Variants in CACNA1B observed in about 807,000 individuals in gnomAD.
The protein encoded by CACNA1B is calcium voltage-gated channel subunit alpha1 B, also known as voltage-dependent N-type calcium channel subunit alpha-1B.
In CACNA1B, 70 loss-of-function variants were observed where a neutral mutation model predicts 247.2. That is an observed-to-expected ratio of 0.28 (90% CI 0.23 to 0.35). The LOEUF (loss-of-function observed/expected upper bound fraction) is 0.35, where lower values mean the gene tolerates loss of function less well. Among genes scored for constraint, CACNA1B ranks in the 10% least tolerant of loss-of-function variants. CACNA1B has a pLI of 1.00. For synonymous variants in CACNA1B, 1,231 were observed against 1,294.4 expected, an observed-to-expected ratio of 0.95 and a Z score of 1.05; for missense variants, 2,367 against 3,197.4, an observed-to-expected ratio of 0.74 and a Z score of 6.26.
rs199945877 is a variant in CACNA1B, at chr9:138,057,713, C to T, written c.3969-19C>T. The stretch of plus-strand genomic sequence containing the variant: ...ATCTTTTGTCTTTGCCCTCTAACCT[C>T]CCATGTTCTCATTCCTAGGGGTCAG... On this transcript the variant is annotated intron_variant, in intron 26 of 46. Transcript: ENST00000371372. The surrounding 1 kb of genome is among the most constrained non-coding windows in gnomAD (Gnocchi z 4.0). The T allele has an allele frequency of 1.6e-5, 25 of 1,597,728 alleles. No individual in the cohort carries two copies. The Admixed American group carries it at 2.5e-4, about 16-fold the overall frequency.
At position 138,050,317 on chromosome 9, in the gene CACNA1B, G is replaced by A. The variant is rs868248216; in HGVS notation, c.3710+1002G>A. Among the ~76,000 whole-genome samples, 1 of 152,196 alleles carries A rather than the reference G, an allele frequency of 6.6e-6. No homozygotes were observed. On this transcript the variant is annotated intron_variant, in intron 24 of 46. Coordinates refer to ENST00000371372, the MANE Select transcript of CACNA1B (RefSeq NM_000718.4). The surrounding 1 kb of genome is among the most constrained non-coding windows in gnomAD (Gnocchi z 5.2). ...GTCAGCCCTTGGTGAGGAGCTTGCT[G>A]GTGAGCAGGCTGTCACCAGCGAGGG...
At chr9:137,982,852 A>C (rs986487313) in intron 12 of CACNA1B, among the ~76,000 whole-genome samples, 1 of 152,198 alleles carries the variant, frequency 6.6e-6, no homozygotes, top group African/African-American at 2.4e-5. Flanking sequence ...GGTTCTGTGC[A>C]TATTGGTGTA....
intron 37 of CACNA1B, among the ~76,000 whole-genome samples, chr9:138,099,052 C>T (rs981504157): frequency 1.3e-5 from 2 of 152,234 alleles, no homozygotes; most frequent in Non-Finnish European, 2.9e-5. Context: ...CTCTATGGCT[C>T]CTCGTTCTTT....
chr9:138,094,642 C>G (rs538604138), intron 36 of CACNA1B, among the ~76,000 whole-genome samples: 1 of 152,224 alleles, frequency 6.6e-6, no homozygotes, highest in African/African-American at 2.4e-5. Flanking sequence ...AACAAAAATA[C>G]TAGCAAACTA....
chr9:138,096,343 A>G (rs1961054800), intron 36 of CACNA1B, 141 bp from the exon 37 acceptor site: 2 of 638,300 alleles, frequency 3.1e-6, no homozygotes, highest in South Asian at 2.0e-5. Flanking sequence ...CCATGGGGAG[A>G]GCAGATCGGG....
intron 15 of CACNA1B, among the ~76,000 whole-genome samples, chr9:138,000,191 C>T (rs1052686790): frequency 2.7e-4 from 41 of 151,720 alleles, no homozygotes; most frequent in Non-Finnish European, 4.6e-4. Flanking sequence ...CTCCGCCTCC[C>T]GGGTTCACGC....
intron 3 of CACNA1B, among the ~76,000 whole-genome samples, chr9:137,910,874 T>C (rs1957352691): frequency 6.6e-6 from 1 of 152,188 alleles, no homozygotes; most frequent in African/African-American, 2.4e-5. Context: ...TGCACGGAAC[T>C]TTTTACTTTT....
Position 138,073,628 on chromosome 9 carries a change from T to C in CACNA1B, c.4791+24T>C. The C allele has an allele frequency of 1.5e-6, 2 of 1,312,260 alleles. No homozygotes were observed. The highest frequency in any genetic ancestry group is 2.2e-6 in the Non-Finnish European group (2 of 904,810). 81.3% of individuals were successfully genotyped at this position (1,312,260 alleles called of 1,614,324 possible). A position where few individuals can be genotyped will look rare whatever the true frequency, so the allele number is the denominator to read the frequency against. ...AGGTGGGCCAGGCGGGGGGCCTCCATGCTTTCTGTCCCCTTCCTCCGTCTT... is the reference window on the plus strand; with the variant it reads ...AGGTGGGCCAGGCGGGGGGCCTCCACGCTTTCTGTCCCCTTCCTCCGTCTT... On this transcript the variant is annotated intron_variant, in intron 33 of 46. Coordinates refer to ENST00000371372, the MANE Select transcript of CACNA1B (RefSeq NM_000718.4). This position sits in a 1 kb window ranked among gnomAD's most constrained non-coding sequence, Gnocchi z 6.4.
chr9:138,104,664 G>A (rs1961363596), intron 38 of CACNA1B, among the ~76,000 whole-genome samples: 4 of 152,198 alleles, frequency 2.6e-5, no homozygotes, highest in Admixed American at 2.0e-4. Context: ...GGGCAGGGCT[G>A]TATGGCCCTC....
intron 6 of CACNA1B, among the ~76,000 whole-genome samples, chr9:137,946,204 C>CTT (rs1238366644): frequency 1.3e-5 from 2 of 152,224 alleles, no homozygotes; most frequent in East Asian, 3.9e-4. Flanking sequence ...TATAAAATCT[C>CTT]TTTTATGTAT....
At chr9:137,929,572 A>G (rs182320968) in intron 6 of CACNA1B, among the ~76,000 whole-genome samples, 37 of 152,200 alleles carry the variant, frequency 2.4e-4, no homozygotes, top group African/African-American at 8.4e-4. Context: ...GTAATAATAA[A>G]ACTAAAAAAT....
At chr9:138,035,639 TC>T (rs1285233379) in intron 20 of CACNA1B, among the ~76,000 whole-genome samples, 1 of 152,158 alleles carries the variant, frequency 6.6e-6, no homozygotes, top group Non-Finnish European at 1.5e-5. Context: ...TGAAGTTTTG[TC>T]CACTTAAATG....
chr9:138,121,163 G>A lies in CACNA1B; in HGVS notation c.6489+282G>A, dbSNP rs1019887550. ...GCCCCCAAATACTTACCTCTCTCTC[G>A]GTCACTTAACTCTCCTTCCCTGACT... is the stretch of plus-strand genomic sequence containing the variant. On this transcript the variant is annotated intron_variant, in intron 46 of 46. Coordinates refer to ENST00000371372, the MANE Select transcript of CACNA1B (RefSeq NM_000718.4). The surrounding 1 kb of genome is among the most constrained non-coding windows in gnomAD (Gnocchi z 6.8). Among the ~76,000 whole-genome samples, 2 of 152,000 alleles carry A rather than the reference G, an allele frequency of 1.3e-5. No individual in the cohort carries two copies. The highest frequency in any genetic ancestry group is 2.4e-5 in the African/African-American group (1 of 41,368).
intron 45 of CACNA1B, 113 bp from the exon 46 acceptor site, chr9:138,120,518 A>G (rs1290887437): frequency 7.2e-7 from 1 of 1,380,292 alleles, no homozygotes. Context: ...CCCAGGCCCT[A>G]ACCCTCACCC....
chr9:137,941,201 A>G (rs1957729180), intron 6 of CACNA1B, among the ~76,000 whole-genome samples: 1 of 152,248 alleles, frequency 6.6e-6, no homozygotes, highest in Non-Finnish European at 1.5e-5. Flanking sequence ...CCTAGAACTG[A>G]TAAAAGAATT....
intron 20 of CACNA1B, among the ~76,000 whole-genome samples, chr9:138,029,343 A>G (rs1376690880): frequency 1.3e-5 from 2 of 152,156 alleles, no homozygotes; most frequent in Non-Finnish European, 2.9e-5. Flanking sequence ...TATCTTGTGA[A>G]ATTGTTGATG....
intron 42 of CACNA1B, among the ~76,000 whole-genome samples, chr9:138,116,831 C>G (rs774670696): frequency 6.6e-6 from 1 of 152,238 alleles, no homozygotes; most frequent in Non-Finnish European, 1.5e-5. Context: ...CAGCCTGCCA[C>G]TGCGGCCGCT....
rs533026955 is a variant in CACNA1B at position 137,928,747 on chromosome 9, C to T, written c.966+11316C>T. On this transcript the variant is annotated intron_variant, in intron 6 of 46. Transcript: ENST00000371372. ...ATCTAATTTTAAGCATTTTCATTAA[C>T]CAAAAAAGAAGCCCTGTATCCATGA... 1.5e-4 allele frequency among the ~76,000 whole-genome samples: 23 copies of T among 152,222 alleles called. 1 individual carries two copies. The South Asian group carries it at 4.6e-3, about 30-fold the overall frequency.
chr9:138,069,148 G>C (rs1055582845), intron 31 of CACNA1B, among the ~76,000 whole-genome samples: 1 of 152,368 alleles, frequency 6.6e-6, no homozygotes, highest in South Asian at 2.1e-4. Context: ...GAAAGCCATC[G>C]TGTGGACTGG....
Sources: gnomAD v4.1 joint callset for allele counts (sites outside exome capture counted in the v4.1 genomes callset) on GRCh38, gnomAD v4.1.1 for gene constraint, Gnocchi (gnomAD v3.1) non-coding constraint, MANE v1.5 for transcripts, NCBI Gene and HGNC (gene_info 2026-07-23, HGNC 2026-07-21) for gene names.